Variants in G6PD observed in about 807,000 individuals in gnomAD.
G6PD encodes the protein glucose-6-phosphate 1-dehydrogenase.
In G6PD, 2 loss-of-function variants were observed where a neutral mutation model predicts 38.2. The observed-to-expected ratio is 0.05, with a 90% CI of 0.02 to 0.16. G6PD has a LOEUF of 0.16. Ranked by LOEUF, G6PD falls within the 10% of genes least tolerant of loss-of-function variation. G6PD has a pLI of 1.00. For missense variants in G6PD, 310 were observed against 471.6 expected (o/e 0.66, Z 3.17); for synonymous variants, 188 against 196.0 (o/e 0.96, Z 0.34).
At chrX:154,537,363 A>T (rs1175101353) in intron 2 of G6PD, among the ~76,000 whole-genome samples, 2 of 111,846 alleles carry the variant, frequency 1.8e-5, no homozygotes, top group Non-Finnish European at 3.8e-5. Flanking sequence ...CAAGCCTATA[A>T]TCCCAGCACT....
At chrX:154,540,639 A>AG (rs1491070884) in intron 2 of G6PD, among the ~76,000 whole-genome samples, 1 of 23,607 alleles carries the variant, frequency 4.2e-5, no homozygotes, top group Admixed American at 8.3e-4. Context: ...CCATGTCACG[A>AG]AAAAAAAAAA....
chrX:154,546,616 C>T (rs1393021859), intron 1 of G6PD, among the ~76,000 whole-genome samples, 173 bp downstream of exon 1: 4 of 111,503 alleles, frequency 3.6e-5, no homozygotes, highest in Non-Finnish European at 7.6e-5. Context: ...CCCCTTCGCT[C>T]TCGGGGTCTC....
intron 2 of G6PD, chrX:154,542,402 T>C (rs1557232175): frequency 8.3e-7 from 1 of 1,203,190 alleles, no homozygotes; most frequent in South Asian, 1.8e-5. Flanking sequence ...GGAAAGATGC[T>C]GTTCCAGGCG....
chrX:154,545,562 T>C (rs2070678131), intron 2 of G6PD, among the ~76,000 whole-genome samples: 1 of 111,506 alleles, frequency 9.0e-6, no homozygotes. Context: ...CAGCCGGGCG[T>C]GGTGGCTCAT....
In G6PD at chrX:154,532,702, C is replaced by G. The variant is rs368832453; in HGVS notation, c.1152G>C (p.Gln384His). 5.6e-5 allele frequency: 68 copies of G among 1,211,205 alleles called. No individual in the cohort carries two copies. The highest frequency in any genetic ancestry group is 6.7e-5 in the Non-Finnish European group (60 of 895,375). The change falls in exon 10 of 13, where the codon CAG (glutamine) becomes CAC (histidine). Residue 384 changes from glutamine (Q) to histidine (H), a missense_variant. Coordinates refer to ENST00000393562, the MANE Select transcript of G6PD (RefSeq NM_001360016.2). ...HDVAGDIFHQ[Q>H]CKRNELVIRV... Reference sequence around the variant, plus strand: ...GGATCACCAGCTCGTTGCGCTTGCACTGCTGGTGGAAGATGTCGCCGGCCA... The same window carrying G: ...GGATCACCAGCTCGTTGCGCTTGCAGTGCTGGTGGAAGATGTCGCCGGCCA...
chrX:154,540,375 A>G (rs1376773938), intron 2 of G6PD, among the ~76,000 whole-genome samples: 2 of 110,867 alleles, frequency 1.8e-5, no homozygotes, highest in Non-Finnish European at 3.8e-5. Context: ...AGGCTGAGGC[A>G]GGGGAATTGC....
intron 2 of G6PD, among the ~76,000 whole-genome samples, chrX:154,543,017 G>A (rs782481024): frequency 8.9e-6 from 1 of 112,036 alleles, no homozygotes; most frequent in African/African-American, 3.3e-5. Flanking sequence ...CTAGGATCAC[G>A]TGCCCTCAAG....
In G6PD at chrX:154,542,456, A is replaced by C. The variant is rs1557232212; in HGVS notation, c.120+3580T>G. 3 of 1,174,345 alleles carry C rather than the reference A, an allele frequency of 2.6e-6. No individual in the cohort carries two copies. The East Asian group carries it at 9.5e-5, about 37-fold the overall frequency. On this transcript the variant is annotated intron_variant, in intron 2 of 12. Transcript: ENST00000393562. ...CAGAGCTTTCTGGAAGGGGGCAGTA[A>C]GTACCTCGGCTCCCTTTCTGGTAGG...
At chrX:154,536,253 G>T in intron 2 of G6PD, 75 bp from the exon 3 acceptor site, 1 of 1,012,751 alleles carries the variant, frequency 9.9e-7, no homozygotes, top group Non-Finnish European at 1.4e-6. Flanking sequence ...TCCACCCTTG[G>T]TGATCTGGGC....
At chrX:154,543,138 A>C (rs1557232374) in intron 2 of G6PD, among the ~76,000 whole-genome samples, 1 of 111,936 alleles carries the variant, frequency 8.9e-6, no homozygotes, top group Non-Finnish European at 1.9e-5. Context: ...TCTCCCCCAC[A>C]GCAGGAAGAG....
Position 154,533,677 on chromosome X carries a change from C to T in G6PD, c.771-8G>A, listed in dbSNP as rs368790003. 160 of 1,210,369 alleles carry T rather than the reference C, an allele frequency of 1.3e-4. No homozygotes were observed. The highest frequency in any genetic ancestry group is 2.3e-4 in the Middle Eastern group (1 of 4,354). ...TGGTTCTGCATCACGTCCCTGGGGACGGAAGAGGCCAGAGCTCGCCTTAGC... is the reference window on the plus strand; with the variant it reads ...TGGTTCTGCATCACGTCCCTGGGGATGGAAGAGGCCAGAGCTCGCCTTAGC... On this transcript the variant is annotated splice_region_variant and splice_polypyrimidine_tract_variant and intron_variant, in intron 7 of 12. Coordinates refer to ENST00000393562, the MANE Select transcript of G6PD (RefSeq NM_001360016.2).
intron 7 of G6PD, 118 bp from the exon 8 acceptor site, chrX:154,533,787 C>A (rs782734720): frequency 5.3e-5 from 63 of 1,178,995 alleles, no homozygotes; most frequent in Non-Finnish European, 6.9e-5. Flanking sequence ...ACTTCCTGAT[C>A]CCCCTTGTCT....
In G6PD at chrX:154,533,978, G is replaced by A. The variant is rs2070374540; in HGVS notation, c.770+57C>T. The A allele has an allele frequency of 5.8e-6, 7 of 1,209,688 alleles. No homozygotes were observed. In the South Asian group the frequency reaches 7.0e-5, roughly 12 times the overall value. On this transcript the variant is annotated intron_variant, in intron 7 of 12. Transcript: ENST00000393562. ...CAAGATAGGGAAGAGTAGCCCTGCA[G>A]GGTGACTGGCTCTGCCACCCTGTGC... is the stretch of plus-strand genomic sequence containing the variant.
At chrX:154,541,048 C>A (rs1043126687) in intron 2 of G6PD, among the ~76,000 whole-genome samples, 1 of 111,821 alleles carries the variant, frequency 8.9e-6, no homozygotes. Context: ...CAACTCACGG[C>A]TGGCCCCACA....
At chrX:154,534,264 G>C (rs782020986) in intron 6 of G6PD, 74 bp downstream of exon 6, 1 of 1,201,588 alleles carries the variant, frequency 8.3e-7, no homozygotes, top group Non-Finnish European at 1.1e-6. Context: ...ATTCGTCCTC[G>C]GGGAGGCAGT....
chrX:154,531,869 G>A lies in G6PD; in HGVS notation c.*131C>T, dbSNP rs147551350. 1,213 of 1,045,620 alleles carry A rather than the reference G, an allele frequency of 1.2e-3. 3 individuals carry two copies. The African/African-American group carries it at 0.02, about 17-fold the overall frequency. 86.2% of individuals were successfully genotyped at this position (1,045,620 alleles called of 1,213,427 possible). A position where few individuals can be genotyped will look rare whatever the true frequency, so the allele number is the denominator to read the frequency against. On this transcript the variant is annotated 3_prime_UTR_variant, in exon 13 of 13. Transcript: ENST00000393562. The stretch of plus-strand genomic sequence containing the variant: ...TCGGGTAGTAGCAGCAGCGAGGGGC[G>A]GGCCAGGGTGGCCAGAGCCCGGGGC...
At chrX:154,535,805 G>A (rs2070400989) in intron 4 of G6PD, 132 bp downstream of exon 4, 1 of 552,871 alleles carries the variant, frequency 1.8e-6, no homozygotes, top group Admixed American at 2.7e-5. Flanking sequence ...GGAAGTACGA[G>A]AGCAGGCGGG....
chrX:154,536,089 C>A (rs2070405424), intron 3 of G6PD, 44 bp from the exon 4 acceptor site: 9 of 1,204,646 alleles, frequency 7.5e-6, no homozygotes, highest in Non-Finnish European at 1.0e-5. Context: ...CAGGGCAGGA[C>A]CAGGCCTGTC....
chrX:154,540,638 GA>G (rs34859682), intron 2 of G6PD, among the ~76,000 whole-genome samples: 235 of 64,373 alleles, frequency 3.7e-3, no homozygotes, highest in African/African-American at 0.014. Context: ...TCCATGTCAC[GA>G]AAAAAAAAAA....
Sources: allele counts gnomAD v4.1 joint callset (sites outside exome capture counted in the v4.1 genomes callset), GRCh38; gene constraint gnomAD v4.1.1; transcripts MANE v1.5; gene names NCBI Gene and HGNC (gene_info 2026-07-23, HGNC 2026-07-21).